DUSP16: variants seen among roughly 807,000 people sequenced by gnomAD.
The protein encoded by DUSP16 is dual specificity protein phosphatase 16.
Under a neutral mutation model 58.3 loss-of-function variants are expected in DUSP16, and 21 were observed. The ratio of observed to expected loss-of-function variants is 0.36; its 90% CI spans 0.26 to 0.52. The LOEUF is 0.52. Among genes scored for constraint, DUSP16 ranks in the 20% least tolerant of loss-of-function variants. The pLI, the probability that DUSP16 is intolerant of heterozygous loss-of-function variation, is 0.94. For missense variants in DUSP16, 726 were observed against 819.0 expected (o/e 0.89, Z 1.39); for synonymous variants, 320 against 323.8 (o/e 0.99, Z 0.12).
intron 1 of DUSP16, among the ~76,000 whole-genome samples, chr12:12,558,285 A>T (rs144994715): frequency 6.6e-4 from 100 of 152,346 alleles, no homozygotes; most frequent in African/African-American, 2.3e-3. Context: ...ATGATATTAC[A>T]GCGAATCCCT....
chr12:12,510,037 C>T (rs1398799608), intron 3 of DUSP16, among the ~76,000 whole-genome samples: 1 of 152,086 alleles, frequency 6.6e-6, no homozygotes, highest in Non-Finnish European at 1.5e-5. Context: ...TATGATTCTG[C>T]TGTATCCACA....
intron 4 of DUSP16, among the ~76,000 whole-genome samples, chr12:12,494,477 T>C (rs1943802713): frequency 6.6e-6 from 1 of 152,142 alleles, no homozygotes; most frequent in South Asian, 2.1e-4. Context: ...CGAATAATGA[T>C]GATACAAAGA....
intron 1 of DUSP16, among the ~76,000 whole-genome samples, chr12:12,542,805 T>C (rs1944584898): frequency 6.6e-6 from 1 of 152,132 alleles, no homozygotes; most frequent in East Asian, 1.9e-4. Flanking sequence ...AGACCAAATA[T>C]TTGTGTCCCC....
intron 3 of DUSP16, among the ~76,000 whole-genome samples, chr12:12,519,376 CCCT>C (rs1468833726): frequency 2.0e-5 from 3 of 152,168 alleles, no homozygotes; most frequent in Non-Finnish European, 2.9e-5. Context: ...CACATTCTCC[CCCT>C]ATTTCATTGT....
rs563962852 is a variant in DUSP16 at position 12,550,496 on chromosome 12, A to T, written c.-366+11621T>A. ...GGTCGAGGATGCACGGTATGTGGTGATGATGTATCTATCACTCTGACAGCT... is the reference window on the plus strand; with the variant it reads ...GGTCGAGGATGCACGGTATGTGGTGTTGATGTATCTATCACTCTGACAGCT... On this transcript the variant is annotated intron_variant, in intron 1 of 6. Coordinates refer to ENST00000298573, the MANE Select transcript of DUSP16 (RefSeq NM_030640.3). 2.0e-5 allele frequency among the ~76,000 whole-genome samples: 3 copies of T among 152,318 alleles called. No homozygotes were observed. In the South Asian group the frequency reaches 6.2e-4, roughly 32 times the overall value.
rs575671915 is a variant in DUSP16 at position 12,495,510 on chromosome 12, C to G, written c.531+5009G>C. Among the ~76,000 whole-genome samples, 7 of 152,318 alleles carry G rather than the reference C, an allele frequency of 4.6e-5. No homozygotes were observed. In the South Asian group the frequency reaches 1.0e-3, roughly 23 times the overall value. ...ACAACTTTTCTCCCTTGAAAACTTTCTCTCTCCTAACCCTGAAATAAGCTT... is the reference window on the plus strand; with the variant it reads ...ACAACTTTTCTCCCTTGAAAACTTTGTCTCTCCTAACCCTGAAATAAGCTT... On this transcript the variant is annotated intron_variant, in intron 4 of 6. Coordinates refer to ENST00000298573, the MANE Select transcript of DUSP16 (RefSeq NM_030640.3).
In DUSP16 at chr12:12,542,774, C is replaced by T. The variant is rs190363144; in HGVS notation, c.-366+19343G>A. On this transcript the variant is annotated intron_variant, in intron 1 of 6. Transcript: ENST00000298573. ...ACACAAGTAAATGTAGAACACGATC[C>T]TCAATTGGACCCTGTATGCAAGACC... Among the ~76,000 whole-genome samples the T allele has an allele frequency of 2.6e-4, 40 of 152,254 alleles. No individual in the cohort carries two copies. The East Asian group carries it at 3.9e-3, about 15-fold the overall frequency.
chr12:12,510,671 T>G (rs551090858), intron 3 of DUSP16, among the ~76,000 whole-genome samples: 37 of 152,338 alleles, frequency 2.4e-4, no homozygotes, highest in Non-Finnish European at 2.1e-4. Flanking sequence ...TCTCTGGAGT[T>G]GACAGTTTTA....
chr12:12,491,979 A>G (rs2136202852), intron 4 of DUSP16, among the ~76,000 whole-genome samples: 3 of 152,290 alleles, frequency 2.0e-5, no homozygotes, highest in Admixed American at 2.0e-4. Context: ...TGTAAATTCT[A>G]TAATCAGTTA....
chr12:12,546,123 T>G (rs1269728886), intron 1 of DUSP16, among the ~76,000 whole-genome samples: 1 of 152,252 alleles, frequency 6.6e-6, no homozygotes, highest in Non-Finnish European at 1.5e-5. Context: ...ATCTGAGAGT[T>G]ATTTATACAA....
intron 6 of DUSP16, 49 bp from the exon 7 acceptor site, chr12:12,478,064 A>G (rs755909121): frequency 5.0e-6 from 7 of 1,389,378 alleles, no homozygotes; most frequent in Non-Finnish European, 6.9e-6. Flanking sequence ...ACTACACTTT[A>G]TCTTAAGAAT....
chr12:12,551,446 G>A (rs1365976763), intron 1 of DUSP16, among the ~76,000 whole-genome samples: 4 of 138,702 alleles, frequency 2.9e-5, no homozygotes, highest in Non-Finnish European at 6.1e-5. Flanking sequence ...CTGGGCGACA[G>A]AGGGAGACTG....
intron 3 of DUSP16, among the ~76,000 whole-genome samples, chr12:12,508,643 C>T (rs545756845): frequency 2.7e-5 from 4 of 148,980 alleles, no homozygotes; most frequent in Admixed American, 6.7e-5. Flanking sequence ...TGGATAGATA[C>T]GCATTTCTCT....
rs2136244817 is a variant in DUSP16, at chr12:12,534,366, AG to A, written c.-365-12904del. ...ACCACAAAGTGACAGGCCAAGACCT[AG>A]GCTGAAGAATCACAGCACCACAGGA... On this transcript the variant is annotated intron_variant, in intron 1 of 6. Coordinates refer to ENST00000298573, the MANE Select transcript of DUSP16 (RefSeq NM_030640.3). Among the ~76,000 whole-genome samples the A allele has an allele frequency of 2.0e-5, 3 of 152,390 alleles. No individual in the cohort carries two copies. In the South Asian group the frequency reaches 6.2e-4, roughly 32 times the overall value.
intron 1 of DUSP16, among the ~76,000 whole-genome samples, chr12:12,527,284 A>G (rs964947818): frequency 2.6e-5 from 4 of 152,198 alleles, no homozygotes; most frequent in African/African-American, 9.6e-5. Context: ...CAGGAAAAAA[A>G]CCAATCAAAA....
chr12:12,502,120 T>A (rs978109819), intron 3 of DUSP16, among the ~76,000 whole-genome samples: 1 of 152,246 alleles, frequency 6.6e-6, no homozygotes, highest in African/African-American at 2.4e-5. Flanking sequence ...CTCTTTGAGT[T>A]ATATTGTATT....
chr12:12,514,459 CCTTTTT>C (rs922356509), intron 3 of DUSP16, among the ~76,000 whole-genome samples: 4 of 152,164 alleles, frequency 2.6e-5, no homozygotes, highest in Non-Finnish European at 5.9e-5. Context: ...CTTTTCTGAT[CCTTTTT>C]CTTTAGTCAA....
At chr12:12,531,336 A>G (rs1944381217) in intron 1 of DUSP16, among the ~76,000 whole-genome samples, 1 of 152,234 alleles carries the variant, frequency 6.6e-6, no homozygotes, top group Non-Finnish European at 1.5e-5. Context: ...TCTTAGTACT[A>G]AAATAAATAA....
chr12:12,500,429 G>A, intron 4 of DUSP16, 90 bp downstream of exon 4: 2 of 1,411,466 alleles, frequency 1.4e-6, no homozygotes, highest in Non-Finnish European at 1.9e-6. Flanking sequence ...CCTGAGATTG[G>A]GGTGTGTTTC....
Sources: gnomAD v4.1 joint callset for allele counts (sites outside exome capture counted in the v4.1 genomes callset) on GRCh38, gnomAD v4.1.1 for gene constraint, MANE v1.5 for transcripts, NCBI Gene and HGNC (gene_info 2026-07-23, HGNC 2026-07-21) for gene names.